Variants in NIPSNAP1 observed in about 807,000 individuals in gnomAD.
The protein encoded by NIPSNAP1 is protein NipSnap homolog 1.
NIPSNAP1 carries 25 observed loss-of-function variants against 49.2 expected under a neutral mutation model. That is an observed-to-expected ratio of 0.51 (90% CI 0.37 to 0.71). The LOEUF (loss-of-function observed/expected upper bound fraction) is 0.71. Ranked by LOEUF, NIPSNAP1 falls within the 30% of genes least tolerant of loss-of-function variation. The pLI, the probability that NIPSNAP1 is intolerant of heterozygous loss-of-function variation, is 0.00. For synonymous variants in NIPSNAP1, 143 were observed against 140.7 expected (o/e 1.02, Z -0.12); for missense variants, 294 against 361.0 (o/e 0.81, Z 1.50).
intron 1 of NIPSNAP1, among the ~76,000 whole-genome samples, chr22:29,571,048 C>G (rs189723825): frequency 1.3e-5 from 2 of 152,142 alleles, no homozygotes; most frequent in Non-Finnish European, 2.9e-5. Flanking sequence ...TCCCCTCTAA[C>G]GAGAAGACTG....
At chr22:29,576,640 C>T (rs377113114) in intron 1 of NIPSNAP1, among the ~76,000 whole-genome samples, 1 of 151,202 alleles carries the variant, frequency 6.6e-6, no homozygotes, top group Non-Finnish European at 1.5e-5. Flanking sequence ...AATGGTAGAC[C>T]TTAGGCTGGG....
At chr22:29,558,991 G>A (rs1168036784) in intron 8 of NIPSNAP1, 38 bp from the exon 9 acceptor site, 5 of 1,497,168 alleles carry the variant, frequency 3.3e-6, no homozygotes, top group Non-Finnish European at 4.6e-6. Flanking sequence ...CAGGCACAGA[G>A]GACTGGATCC....
chr22:29,571,532 A>G (rs577103704), intron 1 of NIPSNAP1, among the ~76,000 whole-genome samples: 1 of 152,286 alleles, frequency 6.6e-6, no homozygotes, highest in Non-Finnish European at 1.5e-5. Flanking sequence ...TCCTAAACAC[A>G]TACCCAAGGT....
intron 3 of NIPSNAP1, among the ~76,000 whole-genome samples, chr22:29,569,670 C>A (rs1239508807): frequency 1.1e-5 from 1 of 87,024 alleles, no homozygotes; most frequent in Non-Finnish European, 2.2e-5. Flanking sequence ...CTCCTGGAGA[C>A]CATCTCTTAA....
chr22:29,580,923 C>T (rs1569251211), intron 1 of NIPSNAP1, 62 bp downstream of exon 1: 1 of 1,351,884 alleles, frequency 7.4e-7, no homozygotes, highest in African/African-American at 1.5e-5. Flanking sequence ...CGACCCAGTC[C>T]CTGGCCCCCG....
Position 29,561,529 on chromosome 22 carries a change from C to A in NIPSNAP1, c.556G>T (p.Glu186Ter). The change falls in exon 6 of 10, where the codon GAG (glutamate) becomes TAG (stop). Residue 186 changes from glutamate (E) to a stop codon, truncating the protein, a stop_gained. Coordinates refer to ENST00000216121, the MANE Select transcript of NIPSNAP1 (RefSeq NM_003634.4). LOFTEE classifies it high-confidence loss of function. ...ACCTTGAGCTTGTATGTCCTCAGCT[C>A]ATAGATGTTGGGACCCATTCTGGGC... ...PQPRMGPNIY[E>*]LRTYKLKPGT... 1.2e-6 allele frequency: 2 copies of A among 1,614,110 alleles called. No individual in the cohort carries two copies. Among genetic ancestry groups the A allele is most frequent in the Non-Finnish European group, 1.7e-6 (2 of 1,180,016 alleles).
At chr22:29,567,532 G>A (rs1482772438) in intron 4 of NIPSNAP1, among the ~76,000 whole-genome samples, 1 of 152,126 alleles carries the variant, frequency 6.6e-6, no homozygotes, top group African/African-American at 2.4e-5. Context: ...CAGCCTTCCA[G>A]GAGGAGGTGA....
chr22:29,569,989 CA>C (rs1020417860), intron 3 of NIPSNAP1, 172 bp downstream of exon 3: 317 of 647,230 alleles, frequency 4.9e-4, no homozygotes, highest in Non-Finnish European at 5.6e-4. Context: ...AACTCCATCT[CA>C]AAAAAAAAGA....
At chr22:29,568,366 C>G (rs902237241) in intron 4 of NIPSNAP1, among the ~76,000 whole-genome samples, 1 of 151,132 alleles carries the variant, frequency 6.6e-6, no homozygotes, top group Non-Finnish European at 1.5e-5. Flanking sequence ...GCCAGTAATC[C>G]CAGCTACTCG....
intron 9 of NIPSNAP1, among the ~76,000 whole-genome samples, chr22:29,558,400 C>T (rs530684070): frequency 2.0e-5 from 3 of 151,960 alleles, no homozygotes; most frequent in Non-Finnish European, 2.9e-5. Context: ...ACCTGGGAGG[C>T]GGAGGCTACA....
At position 29,570,569 on chromosome 22, in the gene NIPSNAP1, T is replaced by A. The variant is rs182507356; in HGVS notation, c.99-37A>T. ...AGGAGTTGAGGGGGACGCGCGGAGGTTGGGGGAGCCCCAGCAATTCCATCC... is the reference window on the plus strand; with the variant it reads ...AGGAGTTGAGGGGGACGCGCGGAGGATGGGGGAGCCCCAGCAATTCCATCC... On this transcript the variant is annotated intron_variant, in intron 1 of 9. Transcript: ENST00000216121. 2.5e-6 allele frequency: 4 copies of A among 1,600,972 alleles called. No individual in the cohort carries two copies. The South Asian group carries it at 4.5e-5, about 18-fold the overall frequency.
Position 29,561,599 on chromosome 22 carries a change from C to T in NIPSNAP1, c.486G>A (p.Arg162=), listed in dbSNP as rs752291408. The change falls in exon 6 of 10, where the codon AGG becomes AGA. Residue 162 remains arginine, a synonymous_variant. Coordinates refer to ENST00000216121, the MANE Select transcript of NIPSNAP1 (RefSeq NM_003634.4). Reference sequence around the variant, plus strand: ...TGAACTCGAGGAGCAGCTGGTTTCTCCTGGACAGCAGCATCTGGCTCCGCT... The same window carrying T: ...TGAACTCGAGGAGCAGCTGGTTTCTTCTGGACAGCAGCATCTGGCTCCGCT... ...RRERSQMLLS[R]RNQLLLEFSF... is the part of the protein sequence containing the mutation. 3.7e-6 allele frequency: 6 copies of T among 1,613,922 alleles called. No individual in the cohort carries two copies. Among genetic ancestry groups the T allele is most frequent in the Non-Finnish European group, 5.1e-6 (6 of 1,180,006 alleles).
chr22:29,561,946 C>T (rs1055210658), intron 4 of NIPSNAP1, 84 bp from the exon 5 acceptor site: 47 of 1,231,854 alleles, frequency 3.8e-5, no homozygotes, highest in African/African-American at 7.4e-5. Context: ...GTGGTGGGGA[C>T]GGGGGAGGCG....
At chr22:29,564,410 A>G (rs1204956267) in intron 4 of NIPSNAP1, 1 of 470,710 alleles carries the variant, frequency 2.1e-6, no homozygotes, top group East Asian at 7.0e-5. Flanking sequence ...TTACAAGGAC[A>G]GCATCATTGG....
intron 1 of NIPSNAP1, among the ~76,000 whole-genome samples, chr22:29,573,088 G>A (rs933853245): frequency 5.9e-5 from 9 of 152,124 alleles, no homozygotes; most frequent in African/African-American, 1.9e-4. Flanking sequence ...CCAGGCTGGA[G>A]TAAAGTGGTA....
chr22:29,566,830 A>C (rs2064371316), intron 4 of NIPSNAP1, among the ~76,000 whole-genome samples: 1 of 151,664 alleles, frequency 6.6e-6, no homozygotes, highest in South Asian at 2.1e-4. Flanking sequence ...GTCTCAAAAA[A>C]ATAAATAAAT....
intron 3 of NIPSNAP1, 55 bp downstream of exon 3, chr22:29,570,107 A>G: frequency 2.6e-6 from 4 of 1,519,958 alleles, no homozygotes; most frequent in Non-Finnish European, 3.7e-6. Context: ...AAATTTGCTG[A>G]AAGTGTGTTC....
chr22:29,563,988 G>A (rs2064353233), intron 4 of NIPSNAP1, among the ~76,000 whole-genome samples: 1 of 152,164 alleles, frequency 6.6e-6, no homozygotes, highest in African/African-American at 2.4e-5. Flanking sequence ...GTTATTTTAA[G>A]CCACCCAGTT....
chr22:29,571,981 T>C (rs1416554252), intron 1 of NIPSNAP1, among the ~76,000 whole-genome samples: 1 of 152,054 alleles, frequency 6.6e-6, no homozygotes, highest in African/African-American at 2.4e-5. Context: ...GGCTGCCCTA[T>C]CCCTTTTTAA....
Sources: gnomAD v4.1 joint callset for allele counts (sites outside exome capture counted in the v4.1 genomes callset) on GRCh38, gnomAD v4.1.1 for gene constraint, MANE v1.5 for transcripts, NCBI Gene and HGNC (gene_info 2026-07-23, HGNC 2026-07-21) for gene names.